The following MCTP2 variants were observed in gnomAD, a reference collection of about 807,000 sequenced individuals.
MCTP2 encodes multiple C2 and transmembrane domain containing 2, also known as multiple C2 and transmembrane domain-containing protein 2.
Under a neutral mutation model 111.6 loss-of-function variants are expected in MCTP2, and 132 were observed. The observed-to-expected ratio is 1.18, with a 90% CI of 1.03 to 1.37. MCTP2 has a LOEUF of 1.37. MCTP2 is among the 40% of genes most tolerant of loss of function. The pLI is 0.00. For synonymous variants in MCTP2, 395 were observed against 387.7 expected (o/e 1.02, Z -0.22); for missense variants, 1,183 against 1,067.9 (o/e 1.11, Z -1.50).
intron 17 of MCTP2, 101 bp from the exon 18 acceptor site, chr15:94,440,075 A>G (rs1472890746): frequency 3.0e-6 from 4 of 1,336,316 alleles, no homozygotes; most frequent in East Asian, 2.3e-5. Context: ...ATGTGACTAG[A>G]AAGAGTCCAA....
intron 20 of MCTP2, among the ~76,000 whole-genome samples, chr15:94,462,383 A>C (rs2085269138): frequency 6.6e-6 from 1 of 152,234 alleles, no homozygotes; most frequent in African/African-American, 2.4e-5. Context: ...CTGAGGATTT[A>C]GGGAGCTCCC....
At chr15:94,351,316 ATGGATCTTCTCATGT>A (rs2078291029) in intron 8 of MCTP2, among the ~76,000 whole-genome samples, 1 of 152,212 alleles carries the variant, frequency 6.6e-6, no homozygotes, top group African/African-American at 2.4e-5. Flanking sequence ...CCATGGATGT[ATGGATCTTCTCATGT>A]CATGCAATAA....
Position 94,458,175 on chromosome 15 carries a change from G to T in MCTP2, c.2289G>T (p.Met763Ile). ...AGGGGTTGATTGAAAGAATCTATAT[G>T]GTACAGGATATTGTTTCAACTGTTC... The part of the protein sequence containing the change: ...EKKGLIERIY[M>I]VQDIVSTVQN... Residue 763 changes from methionine to isoleucine, a missense_variant, in exon 20 of 23, where the codon ATG (methionine) becomes ATT (isoleucine). Coordinates refer to ENST00000357742, the MANE Select transcript of MCTP2 (RefSeq NM_001385001.1). 6.2e-7 allele frequency: 1 copy of T among 1,611,982 alleles called. No individual in the cohort carries two copies. The highest frequency in any genetic ancestry group is 8.5e-7 in the Non-Finnish European group (1 of 1,178,128).
chr15:94,389,694 A>G (rs2080758279), intron 14 of MCTP2, among the ~76,000 whole-genome samples: 1 of 152,150 alleles, frequency 6.6e-6, no homozygotes, highest in Non-Finnish European at 1.5e-5. Context: ...TGGAGCCATA[A>G]TAATACCTTA....
At chr15:94,285,046 C>T (rs551518735) in intron 1 of MCTP2, among the ~76,000 whole-genome samples, 6 of 152,244 alleles carry the variant, frequency 3.9e-5, no homozygotes, top group East Asian at 1.9e-4. Context: ...TCAACCTTTC[C>T]TCCTACAGCT....
chr15:94,318,337 G>A (rs1038010292), intron 4 of MCTP2, among the ~76,000 whole-genome samples: 6 of 148,878 alleles, frequency 4.0e-5, no homozygotes, highest in African/African-American at 7.4e-5. Context: ...AGGCTGGAGT[G>A]CAGTGGCACA....
At position 94,260,539 on chromosome 15, in the gene MCTP2, T is replaced by A. The variant is rs1461398545; in HGVS notation, c.-66+28875T>A. Among the ~76,000 whole-genome samples, 5 of 152,240 alleles carry A rather than the reference T, an allele frequency of 3.3e-5. No individual in the cohort carries two copies. The East Asian group carries it at 9.6e-4, about 29-fold the overall frequency. The stretch of plus-strand genomic sequence containing the variant: ...AACACCATATTAAGGACTTTGAACT[T>A]GTACAAAGTTTATCTGCAGGAGCCA... On this transcript the variant is annotated intron_variant, in intron 1 of 22. Coordinates refer to ENST00000357742, the MANE Select transcript of MCTP2 (RefSeq NM_001385001.1).
intron 7 of MCTP2, chr15:94,341,974 C>G (rs1284643523): frequency 6.6e-6 from 1 of 152,132 alleles, no homozygotes; most frequent in Non-Finnish European, 1.5e-5. Context: ...GACAGCATTG[C>G]TGCTGCATCC....
chr15:94,382,898 T>A (rs762813198), intron 12 of MCTP2, among the ~76,000 whole-genome samples: 2 of 152,250 alleles, frequency 1.3e-5, no homozygotes, highest in Non-Finnish European at 2.9e-5. Context: ...CAAATCCAGA[T>A]CCTTCCGCCA....
intron 1 of MCTP2, among the ~76,000 whole-genome samples, chr15:94,268,382 G>C (rs1396088393): frequency 6.7e-6 from 1 of 149,600 alleles, no homozygotes; most frequent in African/African-American, 2.5e-5. Context: ...GTAGAGACGG[G>C]GTTTCACCAC....
chr15:94,309,645 T>C (rs1239307219), intron 2 of MCTP2, among the ~76,000 whole-genome samples: 1 of 152,214 alleles, frequency 6.6e-6, no homozygotes, highest in Non-Finnish European at 1.5e-5. Flanking sequence ...TCAAAGTCCT[T>C]GGTGACTAGA....
intron 4 of MCTP2, among the ~76,000 whole-genome samples, chr15:94,324,026 G>A (rs2076740107): frequency 2.0e-5 from 3 of 152,206 alleles, no homozygotes; most frequent in Admixed American, 2.0e-4. Flanking sequence ...GCTCTTGGCT[G>A]TCTTAAACTT....
chr15:94,390,072 A>ACGTG (rs1354607776), intron 14 of MCTP2, among the ~76,000 whole-genome samples: 11 of 16,638 alleles, frequency 6.6e-4, no homozygotes, highest in African/African-American at 1.5e-3. Flanking sequence ...ATATATATAT[A>ACGTG]TATATATATA....
At chr15:94,258,616 C>T (rs1174795022) in intron 1 of MCTP2, among the ~76,000 whole-genome samples, 5 of 152,104 alleles carry the variant, frequency 3.3e-5, no homozygotes, top group African/African-American at 1.2e-4. Flanking sequence ...TTACCGAAAA[C>T]CCTATTTAAA....
chr15:94,328,314 G>C (rs1206277966), intron 4 of MCTP2, among the ~76,000 whole-genome samples: 2 of 151,826 alleles, frequency 1.3e-5, no homozygotes, highest in Non-Finnish European at 2.9e-5. Flanking sequence ...ATTTTTAGTA[G>C]AGACGGGGTT....
chr15:94,236,353 A>G (rs2070543047), intron 1 of MCTP2, among the ~76,000 whole-genome samples: 1 of 107,820 alleles, frequency 9.3e-6, no homozygotes, highest in Non-Finnish European at 2.0e-5. Context: ...AAAGTTGCCT[A>G]TGATTCAATC....
chr15:94,243,451 G>A (rs527495942), intron 1 of MCTP2, among the ~76,000 whole-genome samples: 1 of 86,600 alleles, frequency 1.2e-5, no homozygotes, highest in Non-Finnish European at 2.6e-5. Context: ...ATACGTATGC[G>A]TACATGCGTA....
Position 94,315,527 on chromosome 15 carries a change from A to G in MCTP2, c.529-2A>G, listed in dbSNP as rs2076339771. The G allele has an allele frequency of 3.1e-6, 5 of 1,609,870 alleles. No homozygotes were observed. The highest frequency in any genetic ancestry group is 4.3e-6 in the Non-Finnish European group (5 of 1,176,410). On this transcript the variant is annotated splice_acceptor_variant, in intron 3 of 22. Coordinates refer to ENST00000357742, the MANE Select transcript of MCTP2 (RefSeq NM_001385001.1). LOFTEE classifies it high-confidence loss of function. ...TCTTAACTGCCTTCTCCATCTGTGC[A>G]GGTACCGGGGGAAGCCAGTGATGGC...
chr15:94,296,501 C>T (rs868781329), intron 1 of MCTP2, among the ~76,000 whole-genome samples: 4 of 152,288 alleles, frequency 2.6e-5, no homozygotes, highest in African/African-American at 4.8e-5. Context: ...CGCAGCCTCC[C>T]GAGGTACTTA....
Sources: gnomAD v4.1 joint callset for allele counts (sites outside exome capture counted in the v4.1 genomes callset) on GRCh38, gnomAD v4.1.1 for gene constraint, MANE v1.5 for transcripts, NCBI Gene and HGNC (gene_info 2026-07-23, HGNC 2026-07-21) for gene names.